CFAP65: variants seen among roughly 807,000 people sequenced by gnomAD.
CFAP65 encodes the protein cilia and flagella associated protein 65, also known as cilia- and flagella-associated protein 65.
A neutral mutation model predicts 208.0 loss-of-function variants in CFAP65; 155 were observed. The ratio of observed to expected loss-of-function variants is 0.75; its 90% CI spans 0.65 to 0.85. The LOEUF (loss-of-function observed/expected upper bound fraction) is 0.85, where lower values mean the gene tolerates loss of function less well. Among genes scored for constraint, CFAP65 ranks in the 40% least tolerant of loss-of-function variants. The pLI, the probability that CFAP65 is intolerant of heterozygous loss-of-function variation, is 0.00. For missense variants in CFAP65, 2,294 were observed against 2,451.3 expected (o/e 0.94, Z 1.36); for synonymous variants, 970 against 986.3 (o/e 0.98, Z 0.31).
At chr2:219,033,009 C>T (rs1292378341) in intron 5 of CFAP65, among the ~76,000 whole-genome samples, 2 of 152,114 alleles carry the variant, frequency 1.3e-5, no homozygotes, top group African/African-American at 4.8e-5. Context: ...ACTTTCAAAA[C>T]ATTAATAAGA....
chr2:219,039,127 T>C (rs1948536150), intron 2 of CFAP65, 77 bp from the exon 3 acceptor site: 5 of 1,237,954 alleles, frequency 4.0e-6, no homozygotes, highest in African/African-American at 1.5e-5. Flanking sequence ...GCTGAAATCA[T>C]ATGCAAATAT....
intron 19 of CFAP65, among the ~76,000 whole-genome samples, chr2:219,020,809 C>A (rs1947218152): frequency 6.6e-6 from 1 of 152,266 alleles, no homozygotes; most frequent in African/African-American, 2.4e-5. Flanking sequence ...AATTTCCTCT[C>A]TGTGCTGCCC....
At chr2:219,010,169 C>T in intron 26 of CFAP65, 84 bp from the exon 27 acceptor site, 2 of 1,382,590 alleles carry the variant, frequency 1.4e-6, no homozygotes, top group Non-Finnish European at 1.9e-6. Flanking sequence ...TTTGGGAGGC[C>T]AAGGTGGGAG....
chr2:219,029,595 G>C lies in CFAP65; in HGVS notation c.1458C>G (p.Pro486=), dbSNP rs1360055367. ...WVNLGERSEQ[P]LWIENQSDCT... The stretch of plus-strand genomic sequence containing the variant: ...AGTCCGATTGGTTCTCAATCCACAG[G>C]GGCTGCTCGGAGCGCTCCCCAAGGT... Residue 486 remains proline, a synonymous_variant, in exon 11 of 35, where the codon CCC becomes CCG. Coordinates refer to ENST00000341552, the MANE Select transcript of CFAP65 (RefSeq NM_194302.4). The C allele has an allele frequency of 6.2e-7, 1 of 1,614,140 alleles. No homozygotes were observed. The highest frequency in any genetic ancestry group is 1.3e-5 in the African/African-American group (1 of 75,036).
chr2:219,040,390 T>A, intron 2 of CFAP65, 129 bp downstream of exon 2: 1 of 669,946 alleles, frequency 1.5e-6, no homozygotes, highest in Non-Finnish European at 2.8e-6. Flanking sequence ...CTGGTTTTCC[T>A]AGTTGGCAAC....
chr2:219,022,449 A>T, intron 16 of CFAP65, 120 bp from the exon 17 acceptor site: 1 of 1,132,614 alleles, frequency 8.8e-7, no homozygotes, highest in African/African-American at 1.5e-5. Flanking sequence ...AATCTACCCT[A>T]TGCCAGGCAT....
chr2:219,041,550 C>T (rs990545325), upstream of CFAP65: 1 of 1,550,120 alleles, frequency 6.5e-7, no homozygotes, highest in East Asian at 2.4e-5. Flanking sequence ...CTTCAGATAT[C>T]CCAGGGCAAC....
intron 11 of CFAP65, among the ~76,000 whole-genome samples, chr2:219,028,903 G>T (rs1559151523): frequency 1.3e-5 from 2 of 152,332 alleles, no homozygotes; most frequent in East Asian, 3.9e-4. Flanking sequence ...CTCAGGGAGG[G>T]ATCATGGGTT....
At position 219,010,985 on chromosome 2, in the gene CFAP65, CAG is replaced by C; in HGVS notation, c.3967_3968del (p.Leu1323ValfsTer2). 1 of 1,606,758 alleles carries C rather than the reference CAG, an allele frequency of 6.2e-7. No individual in the cohort carries two copies. Among genetic ancestry groups the C allele is most frequent in the Non-Finnish European group, 8.5e-7 (1 of 1,174,364 alleles). The stretch of plus-strand genomic sequence containing the variant: ...TCACGGGCACTGAGCCACCATTATA[CAG>C]CTCATAAATCTGCAGGGGGCAGGAA... The part of the protein sequence containing the change: ...DTLPPRQIYE[L>X]YNGGSVPVTY... On this transcript the variant is annotated frameshift_variant, in exon 25 of 35. Transcript: ENST00000341552. LOFTEE classifies it high-confidence loss of function.
intron 25 of CFAP65, 22 bp from the exon 26 acceptor site, chr2:219,010,726 G>A: frequency 6.3e-7 from 1 of 1,595,944 alleles, no homozygotes; most frequent in South Asian, 1.1e-5. Flanking sequence ...GGAGGGTGGG[G>A]GTAGGGACTG....
chr2:219,009,806 T>C (rs1574533848), intron 27 of CFAP65, 136 bp downstream of exon 27: 1 of 204,104 alleles, frequency 4.9e-6, no homozygotes, highest in Non-Finnish European at 6.6e-6. Flanking sequence ...TGGGATGGGA[T>C]GGAGTGGGGG....
chr2:219,029,993 G>A lies in CFAP65; in HGVS notation c.1377C>T (p.Phe459=). ...CCCTGGGGTCACCGGTACCTCTACA[G>A]AAACCAACGACTTTAAGCAGGGTCT... The part of the protein sequence containing the change: ...ASKTLLKVVG[F]CRGPAVSLQH... The change falls in exon 10 of 35, where the codon TTC becomes TTT. Residue 459 remains phenylalanine, a synonymous_variant. Transcript: ENST00000341552. The A allele has an allele frequency of 6.2e-7, 1 of 1,613,928 alleles. No homozygotes were observed. The highest frequency in any genetic ancestry group is 8.5e-7 in the Non-Finnish European group (1 of 1,179,960).
Position 219,009,326 on chromosome 2 carries a change from AC to A in CFAP65, c.4566+20del. ...GGGAGCCATGCCTCCATCCCACTTT[AC>A]CCCTGGGGCTGGTTCCTACCTTGCA... On this transcript the variant is annotated intron_variant, in intron 28 of 34. Transcript: ENST00000341552. 1 of 1,580,032 alleles carries A rather than the reference AC, an allele frequency of 6.3e-7. No individual in the cohort carries two copies. The highest frequency in any genetic ancestry group is 1.3e-5 in the African/African-American group (1 of 74,102).
At chr2:219,034,252 A>C (rs1322981482) in intron 5 of CFAP65, 1 of 152,192 alleles carries the variant, frequency 6.6e-6, no homozygotes, top group African/African-American at 2.4e-5. Flanking sequence ...ATGTATGATA[A>C]GCTGATTTGA....
chr2:219,030,204 T>C lies in CFAP65; in HGVS notation c.1166A>G (p.Asn389Ser). The C allele has an allele frequency of 6.2e-7, 1 of 1,613,940 alleles. No individual in the cohort carries two copies. Among genetic ancestry groups the C allele is most frequent in the Non-Finnish European group, 8.5e-7 (1 of 1,179,954 alleles). The change falls in exon 10 of 35, where the codon AAT becomes AGT. Residue 389 changes from asparagine (N) to serine (S), a missense_variant. Asn to Ser is a conservative substitution (Grantham distance 46). This residue lies in a region of CFAP65 where 867 missense variants were observed against 1,012.6 expected (regional missense o/e 0.86). Transcript: ENST00000341552. ...QIRLHNPSAV[N>S]APFRIEISPD... ...GGAAATTTCAATCCTGAAGGGGGCA[T>C]TTACCTGTGTGGCCAAGCAGAAGGA...
At chr2:219,034,007 T>C (rs529888035) in intron 5 of CFAP65, 1 of 152,120 alleles carries the variant, frequency 6.6e-6, no homozygotes, top group African/African-American at 2.4e-5. Context: ...ATGTCATATA[T>C]AACAACAGCA....
Position 219,024,237 on chromosome 2 carries a change from A to G in CFAP65, c.2373T>C (p.Gly791=), listed in dbSNP as rs1447724498. Reference sequence around the variant, plus strand: ...GGAGCAGGCTGCGGTAGGTGGGCTCACCGGAGGACACTGCTGGAAATAGCT... The same window carrying G: ...GGAGCAGGCTGCGGTAGGTGGGCTCGCCGGAGGACACTGCTGGAAATAGCT... ...VPKLFPAVSS[G]EPTYRSLLLV... Residue 791 remains glycine, a synonymous_variant, in exon 15 of 35, where the codon GGT becomes GGC. Transcript: ENST00000341552. The G allele has an allele frequency of 1.2e-6, 2 of 1,613,094 alleles. No homozygotes were observed.
chr2:219,004,446 C>T lies in CFAP65; in HGVS notation c.5061G>A (p.Leu1687=). The part of the protein sequence containing the change: ...DILTTIIRGL[L]EDKNFHEAVD... ...CAGCCTCATGGAAGTTCTTGTCTTCCAGCAGGCCCCTAGGTGGCAGGGAGA... is the reference window on the plus strand; with the variant it reads ...CAGCCTCATGGAAGTTCTTGTCTTCTAGCAGGCCCCTAGGTGGCAGGGAGA... The change falls in exon 33 of 35, where the codon CTG becomes CTA. Residue 1687 remains leucine (L), a synonymous_variant. Transcript: ENST00000341552. This position sits in a 1 kb window ranked among gnomAD's most constrained non-coding sequence, Gnocchi z 4.7. 6.2e-7 allele frequency: 1 copy of T among 1,607,376 alleles called. No individual in the cohort carries two copies. Among genetic ancestry groups the T allele is most frequent in the Non-Finnish European group, 8.5e-7 (1 of 1,176,506 alleles).
In CFAP65 at chr2:219,024,238, C is replaced by A; in HGVS notation, c.2372G>T (p.Gly791Val). 1.2e-6 allele frequency: 2 copies of A among 1,613,168 alleles called. No homozygotes were observed. Among genetic ancestry groups the A allele is most frequent in the Non-Finnish European group, 1.7e-6 (2 of 1,179,822 alleles). ...VPKLFPAVSS[G>V]EPTYRSLLLV... ...GAGCAGGCTGCGGTAGGTGGGCTCA[C>A]CGGAGGACACTGCTGGAAATAGCTG... Residue 791 changes from glycine (G) to valine (V), a missense_variant, in exon 15 of 35, where the codon GGT becomes GTT. Gly to Val is a moderately radical substitution (Grantham distance 109, BLOSUM62 -3). Transcript: ENST00000341552.
Sources: allele counts gnomAD v4.1 joint callset (sites outside exome capture counted in the v4.1 genomes callset), GRCh38; gene constraint gnomAD v4.1.1; regional missense constraint gnomAD v4.1.1; non-coding constraint Gnocchi (gnomAD v3.1); transcripts MANE v1.5; gene names NCBI Gene and HGNC (gene_info 2026-07-23, HGNC 2026-07-21).